The following SMAP1 variants were observed in gnomAD, a reference collection of about 807,000 sequenced individuals.
SMAP1 encodes the protein small ArfGAP 1, also known as stromal membrane-associated protein 1.
A neutral mutation model predicts 58.5 loss-of-function variants in SMAP1; 24 were observed. The ratio of observed to expected loss-of-function variants is 0.41; its 90% confidence interval spans 0.30 to 0.58. The LOEUF (loss-of-function observed/expected upper bound fraction) is 0.58, where lower values mean the gene tolerates loss of function less well. Among genes scored for constraint, SMAP1 ranks in the 20% least tolerant of loss-of-function variants. SMAP1 has a pLI of 0.29. For synonymous variants in SMAP1, 216 were observed against 196.6 expected, an observed-to-expected ratio of 1.10 and a Z score of -0.82; for missense variants, 563 against 566.3, an observed-to-expected ratio of 0.99 and a Z score of 0.06.
chr6:70,686,640 A>T (rs1236524769), intron 1 of SMAP1, among the ~76,000 whole-genome samples: 1 of 152,210 alleles, frequency 6.6e-6, no homozygotes, highest in African/African-American at 2.4e-5. Flanking sequence ...TTTTGTATAA[A>T]TGAATATAAT....
Position 70,668,066 on chromosome 6 carries a change from G to C in SMAP1, c.43G>C (p.Glu15Gln), listed in dbSNP as rs1233029786. 2 of 1,604,212 alleles carry C rather than the reference G, an allele frequency of 1.2e-6. No homozygotes were observed. The highest frequency in any genetic ancestry group is 2.7e-5 in the African/African-American group (2 of 73,244). The change falls in exon 1 of 11, where the codon GAG becomes CAG. Residue 15 changes from glutamate (E) to glutamine (Q), a missense_variant. Glu to Gln is a conservative substitution (Grantham distance 29). Coordinates refer to ENST00000370455, the MANE Select transcript of SMAP1 (RefSeq NM_001044305.3). The stretch of plus-strand genomic sequence containing the variant: ...TCGGGAGAAGGCTCAGAAGCTGAAC[G>C]AGCAGCACCAGCTCATCCTATCCAA... ...SCREKAQKLNEQHQLILSKLL... is the reference protein window; with the variant it reads ...SCREKAQKLNQQHQLILSKLL...
intron 7 of SMAP1, among the ~76,000 whole-genome samples, chr6:70,845,133 TTAAAC>T (rs1284967597): frequency 1.3e-5 from 2 of 152,246 alleles, no homozygotes; most frequent in Non-Finnish European, 2.9e-5. Flanking sequence ...CTTATCTGCC[TTAAAC>T]TAGATTAGTA....
intron 1 of SMAP1, among the ~76,000 whole-genome samples, chr6:70,727,669 T>C (rs1765240866): frequency 6.6e-6 from 1 of 152,216 alleles, no homozygotes; most frequent in Non-Finnish European, 1.5e-5. Context: ...GATGAAAAAG[T>C]CTTTTATTAT....
At chr6:70,678,542 T>TGCTGGTGCTATAAAA (rs1766573959) in intron 1 of SMAP1, among the ~76,000 whole-genome samples, 2 of 152,302 alleles carry the variant, frequency 1.3e-5, no homozygotes, top group African/African-American at 4.8e-5. Flanking sequence ...ACCAGTATAT[T>TGCTGGTGCTATAAAA]AATTTCCTGT....
chr6:70,761,100 A>C (rs1387594351), intron 3 of SMAP1, among the ~76,000 whole-genome samples: 1 of 152,038 alleles, frequency 6.6e-6, no homozygotes, highest in Admixed American at 6.6e-5. Context: ...TTGGGAGTAG[A>C]TATTAATTTA....
intron 1 of SMAP1, among the ~76,000 whole-genome samples, chr6:70,704,199 A>G (rs1048169058): frequency 9.2e-5 from 14 of 152,254 alleles, no homozygotes; most frequent in Non-Finnish European, 1.8e-4. Context: ...TATTTATAAC[A>G]TCTGTCCTCA....
intron 7 of SMAP1, among the ~76,000 whole-genome samples, chr6:70,844,329 G>A (rs1770910401): frequency 6.6e-6 from 1 of 152,200 alleles, no homozygotes; most frequent in Non-Finnish European, 1.5e-5. Context: ...GTGCGTGTGT[G>A]TGTGTACACA....
At chr6:70,668,408 G>C (rs1164356291) in intron 1 of SMAP1, 1 of 1,048,068 alleles carries the variant, frequency 9.5e-7, no homozygotes, top group African/African-American at 1.7e-5. Flanking sequence ...AGGTGCCAGG[G>C]TAGCGATGCT....
chr6:70,795,050 G>C (rs1317922419), intron 5 of SMAP1, among the ~76,000 whole-genome samples: 1 of 152,032 alleles, frequency 6.6e-6, no homozygotes, highest in Non-Finnish European at 1.5e-5. Flanking sequence ...AATCCAGTCT[G>C]TCATTGATGG....
In SMAP1 at chr6:70,667,942, G is replaced by T. The variant is rs900897451; in HGVS notation, c.-82G>T. 15 of 1,254,690 alleles carry T rather than the reference G, an allele frequency of 1.2e-5. No homozygotes were observed. In the African/African-American group the frequency reaches 1.6e-4, roughly 13 times the overall value. 77.7% of individuals were successfully genotyped at this position (1,254,690 alleles called of 1,614,324 possible). ...TGAGTCCGCCCGCGGTCCCGGCGGCGCCAGGTGCGTTCACTCTGCCCGGCT... is the reference window on the plus strand; with the variant it reads ...TGAGTCCGCCCGCGGTCCCGGCGGCTCCAGGTGCGTTCACTCTGCCCGGCT... On this transcript the variant is annotated 5_prime_UTR_variant, in exon 1 of 11. Transcript: ENST00000370455.
intron 5 of SMAP1, among the ~76,000 whole-genome samples, chr6:70,793,181 C>T (rs1455785527): frequency 3.3e-5 from 5 of 151,968 alleles, no homozygotes; most frequent in African/African-American, 7.3e-5. Context: ...ACTACAGGTG[C>T]GCACCACCAT....
At chr6:70,817,468 C>G (rs1015625281) in intron 6 of SMAP1, among the ~76,000 whole-genome samples, 1 of 152,110 alleles carries the variant, frequency 6.6e-6, no homozygotes, top group African/African-American at 2.4e-5. Context: ...TCTGCAAGCT[C>G]TTATCCATTG....
intron 2 of SMAP1, among the ~76,000 whole-genome samples, chr6:70,737,630 G>A (rs1357270973): frequency 1.3e-5 from 2 of 152,312 alleles, no homozygotes; most frequent in Non-Finnish European, 2.9e-5. Flanking sequence ...CCAGCAGTTA[G>A]AACATTTATC....
intron 1 of SMAP1, among the ~76,000 whole-genome samples, chr6:70,699,484 C>T (rs1214573869): frequency 6.6e-6 from 1 of 152,096 alleles, no homozygotes; most frequent in African/African-American, 2.4e-5. Context: ...ATCCTCCCTT[C>T]AGGACAGCGA....
At chr6:70,716,565 T>C (rs1410327743) in intron 1 of SMAP1, among the ~76,000 whole-genome samples, 1 of 152,092 alleles carries the variant, frequency 6.6e-6, no homozygotes, top group Non-Finnish European at 1.5e-5. Context: ...TTTTCATTCT[T>C]TGTTATTTTT....
chr6:70,836,925 A>T lies in SMAP1; in HGVS notation c.577-16A>T. 4.6e-6 allele frequency: 7 copies of T among 1,538,076 alleles called. No individual in the cohort carries two copies. The highest frequency in any genetic ancestry group is 6.1e-6 in the Non-Finnish European group (7 of 1,147,094). On this transcript the variant is annotated splice_polypyrimidine_tract_variant and intron_variant, in intron 6 of 10. Coordinates refer to ENST00000370455, the MANE Select transcript of SMAP1 (RefSeq NM_001044305.3). ...TACTTAAGAAAAATTAATAAATCCA[A>T]TTATTTACTTTAAAGCTGCAGAAGA...
intron 6 of SMAP1, among the ~76,000 whole-genome samples, chr6:70,832,995 A>G (rs1274689358): frequency 6.6e-6 from 1 of 152,218 alleles, no homozygotes; most frequent in African/African-American, 2.4e-5. Context: ...CTGTCGTTTT[A>G]CACAAAAATC....
At chr6:70,725,116 TTTTTTTTTTTTTTTTTTTG>T (rs1768714764) in intron 1 of SMAP1, among the ~76,000 whole-genome samples, 1 of 112,736 alleles carries the variant, frequency 8.9e-6, no homozygotes, top group Admixed American at 9.0e-5. Flanking sequence ...TTTTTTTTTT[TTTTTTTTTTTTTTTTTTTG>T]AGACGGAGTC....
At chr6:70,671,695 G>A (rs1306892660) in intron 1 of SMAP1, among the ~76,000 whole-genome samples, 2 of 152,188 alleles carry the variant, frequency 1.3e-5, no homozygotes, top group Non-Finnish European at 2.9e-5. Context: ...ATCTCTGTAG[G>A]TTTGGCTGTT....
Sources: gnomAD v4.1 joint callset for allele counts (sites outside exome capture counted in the v4.1 genomes callset) on GRCh38, gnomAD v4.1.1 for gene constraint, MANE v1.5 for transcripts, NCBI Gene and HGNC (gene_info 2026-07-23, HGNC 2026-07-21) for gene names.